HDAC7: variants seen among roughly 807,000 people sequenced by gnomAD.
HDAC7 encodes the protein histone deacetylase 7A.
A neutral mutation model predicts 115.5 loss-of-function variants in HDAC7; 26 were observed. The observed-to-expected ratio is 0.23, with a 90% CI of 0.16 to 0.31. The LOEUF is 0.31. Ranked by LOEUF, HDAC7 falls within the 10% of genes least tolerant of loss-of-function variation. The pLI, the probability that HDAC7 is intolerant of heterozygous loss-of-function variation, is 1.00. For missense variants in HDAC7, 1,068 were observed against 1,329.0 expected (o/e 0.80, Z 3.05); for synonymous variants, 564 against 550.9 (o/e 1.02, Z -0.33).
At position 47,795,865 on chromosome 12, in the gene HDAC7, TG is replaced by T. The variant is rs751790777; in HGVS notation, c.906+40del. The T allele has an allele frequency of 2.7e-4, 218 of 802,146 alleles. No individual in the cohort carries two copies. The African/African-American group carries it at 4.9e-3, about 18-fold the overall frequency. 49.7% of individuals were successfully genotyped at this position (802,146 alleles called of 1,614,324 possible). The stretch of plus-strand genomic sequence containing the variant: ...AGCAAGAAAAGGGAGTGAAAGAAGC[TG>T]GGGGGGCTTGGAGTGGGGGTGGGCA... On this transcript the variant is annotated intron_variant, in intron 9 of 25. Transcript: ENST00000080059. The surrounding 1 kb of genome is among the most constrained non-coding windows in gnomAD (Gnocchi z 4.3).
At chr12:47,819,726 C>T (rs1247000567) in intron 1 of HDAC7, 41 bp downstream of exon 1, 3 of 684,928 alleles carry the variant, frequency 4.4e-6, no homozygotes, top group South Asian at 6.2e-5. Context: ...CGCTGGGTGC[C>T]GCGCGCAGGG....
rs538960873 is a variant in HDAC7, at chr12:47,795,856, G to C, written c.906+50C>G. ...GGGTGAGGCAGCAAGAAAAGGGAGT[G>C]AAAGAAGCTGGGGGGGCTTGGAGTG... On this transcript the variant is annotated intron_variant, in intron 9 of 25. Transcript: ENST00000080059. This position sits in a 1 kb window ranked among gnomAD's most constrained non-coding sequence, Gnocchi z 4.3. 4.8e-5 allele frequency: 43 copies of C among 894,724 alleles called. No individual in the cohort carries two copies. Among genetic ancestry groups the C allele is most frequent in the Non-Finnish European group, 6.3e-5 (39 of 617,328 alleles). 55.4% of individuals were successfully genotyped at this position (894,724 alleles called of 1,614,324 possible). A position where few individuals can be genotyped will look rare whatever the true frequency, so the allele number is the denominator to read the frequency against.
At chr12:47,788,193 G>A (rs965670698) in intron 19 of HDAC7, 29 bp from the exon 20 acceptor site, 9 of 1,581,050 alleles carry the variant, frequency 5.7e-6, no homozygotes, top group Non-Finnish European at 7.7e-6. Context: ...AGCGATTAGG[G>A]AAGGCAGAGA....
chr12:47,797,317 C>CAA lies in HDAC7; in HGVS notation c.577+66_577+67insTT. On this transcript the variant is annotated intron_variant, in intron 6 of 25. Coordinates refer to ENST00000080059, the MANE Select transcript of HDAC7 (RefSeq NM_015401.5). The surrounding 1 kb of genome is among the most constrained non-coding windows in gnomAD (Gnocchi z 5.5). ...CCCAGCCCGCCCACCCCTGCACACTCCTCCCCCATGTCCGAGGCCCTTCCC... is the reference window on the plus strand; with the variant it reads ...CCCAGCCCGCCCACCCCTGCACACTCAACTCCCCCATGTCCGAGGCCCTTCCC... 8.1e-7 allele frequency: 1 copy of CAA among 1,234,308 alleles called. No individual in the cohort carries two copies. Among genetic ancestry groups the CAA allele is most frequent in the Non-Finnish European group, 1.2e-6 (1 of 846,292 alleles). The allele number at this position is 1,234,308 out of a possible 1,614,324, so 76.5% of individuals were successfully genotyped here.
chr12:47,816,305 T>G (rs1944848610), intron 1 of HDAC7, among the ~76,000 whole-genome samples: 1 of 152,112 alleles, frequency 6.6e-6, no homozygotes, highest in Admixed American at 6.5e-5. Flanking sequence ...TCTGGACTTC[T>G]ATTAAAAAGC....
intron 21 of HDAC7, 49 bp from the exon 22 acceptor site, chr12:47,786,752 G>A (rs1024761261): frequency 6.7e-7 from 1 of 1,494,792 alleles, no homozygotes; most frequent in Middle Eastern, 1.7e-4. Context: ...AGGGTTGCCA[G>A]GGGCGGTCCT....
intron 7 of HDAC7, 116 bp from the exon 8 acceptor site, chr12:47,796,414 G>A: frequency 1.6e-6 from 1 of 615,342 alleles, no homozygotes; most frequent in Non-Finnish European, 2.8e-6. Flanking sequence ...GAGCACCTTT[G>A]CTTCCTGCTT....
chr12:47,786,344 A>G (rs1402914584), intron 22 of HDAC7, among the ~76,000 whole-genome samples: 4 of 152,188 alleles, frequency 2.6e-5, no homozygotes, highest in Non-Finnish European at 5.9e-5. Context: ...TTAAGTCCCC[A>G]TGGGTATGAC....
intron 1 of HDAC7, among the ~76,000 whole-genome samples, chr12:47,807,619 G>A (rs1471275170): frequency 6.6e-6 from 1 of 151,980 alleles, no homozygotes; most frequent in Non-Finnish European, 1.5e-5. Flanking sequence ...GCAGGACCTA[G>A]ATGGGCATGC....
intron 19 of HDAC7, 82 bp from the exon 20 acceptor site, chr12:47,788,246 C>A: frequency 6.7e-7 from 1 of 1,492,566 alleles, no homozygotes. Flanking sequence ...AGGTCAGTGG[C>A]CATTCTGAGG....
upstream of HDAC7, among the ~76,000 whole-genome samples, chr12:47,820,898 C>G (rs1055316162): frequency 6.6e-6 from 1 of 152,192 alleles, no homozygotes; most frequent in African/African-American, 2.4e-5. This position sits in a 1 kb window ranked among gnomAD's most constrained non-coding sequence, Gnocchi z 4.3. Context: ...CAGTGGCCCT[C>G]CCTGCCTCTC....
Position 47,788,126 on chromosome 12 carries a change from G to A in HDAC7, c.2274C>T (p.Tyr758=). 6.2e-7 allele frequency: 1 copy of A among 1,613,296 alleles called. No individual in the cohort carries two copies. Among genetic ancestry groups the A allele is most frequent in the Non-Finnish European group, 8.5e-7 (1 of 1,179,580 alleles). ...AGATGTAGAGCACACTGGGGTCTTG[G>A]TAGAAGGTTTGCTGGGTGCCGTTGC... ...HHGNGTQQTF[Y]QDPSVLYISL... is the part of the protein sequence containing the mutation. The change falls in exon 20 of 26, where the codon TAC becomes TAT. Residue 758 remains tyrosine (Y), a synonymous_variant. Transcript: ENST00000080059.
rs569312344 is a variant in HDAC7 at position 47,814,935 on chromosome 12, C to T, written c.19+4832G>A. Among the ~76,000 whole-genome samples the T allele has an allele frequency of 1.9e-4, 29 of 152,354 alleles. No homozygotes were observed. In the South Asian group the frequency reaches 6.0e-3, roughly 32 times the overall value. ...TCTTAGGGCTTATCACAGTGTGTAA[C>T]TAGTCACACATACTCATTCCTTTAC... On this transcript the variant is annotated intron_variant, in intron 1 of 25. Transcript: ENST00000080059.
chr12:47,795,001 C>A lies in HDAC7; in HGVS notation c.1285-68G>T. The A allele has an allele frequency of 6.7e-7, 1 of 1,490,514 alleles. No homozygotes were observed. Among genetic ancestry groups the A allele is most frequent in the South Asian group, 1.3e-5 (1 of 78,148 alleles). 92.3% of individuals were successfully genotyped at this position (1,490,514 alleles called of 1,614,324 possible). On this transcript the variant is annotated intron_variant, in intron 11 of 25. Coordinates refer to ENST00000080059, the MANE Select transcript of HDAC7 (RefSeq NM_015401.5). This position sits in a 1 kb window ranked among gnomAD's most constrained non-coding sequence, Gnocchi z 4.3. Reference sequence around the variant, plus strand: ...GGGGCATGGGGTGGGAGGTGGTGGGCTGGGCCAGGCAGCCAGTCATCTTGC... The same window carrying A: ...GGGGCATGGGGTGGGAGGTGGTGGGATGGGCCAGGCAGCCAGTCATCTTGC...
Position 47,798,950 on chromosome 12 carries a change from G to C in HDAC7, c.93C>G (p.Asp31Glu), listed in dbSNP as rs1467672280. 49 of 1,518,496 alleles carry C rather than the reference G, an allele frequency of 3.2e-5. No homozygotes were observed. Among genetic ancestry groups the C allele is most frequent in the Non-Finnish European group, 4.3e-5 (49 of 1,137,614 alleles). 94.1% of individuals were successfully genotyped at this position (1,518,496 alleles called of 1,614,324 possible). The change falls in exon 3 of 26, where the codon GAC becomes GAG. Residue 31 changes from aspartate to glutamate, a missense_variant. Asp to Glu is a conservative substitution (Grantham distance 45). Transcript: ENST00000080059. This position sits in a 1 kb window ranked among gnomAD's most constrained non-coding sequence, Gnocchi z 4.3. ...TGAGCPRPCADTPGPQPQPMD... is the reference protein window; with the variant it reads ...TGAGCPRPCAETPGPQPQPMD... Reference sequence around the variant, plus strand: ...TGGGCTGCGGCTGAGGGCCTGGTGTGTCTGCACAGGGCCTGGGGCAGCCTA... The same window carrying C: ...TGGGCTGCGGCTGAGGGCCTGGTGTCTCTGCACAGGGCCTGGGGCAGCCTA...
chr12:47,795,091 G>C lies in HDAC7; in HGVS notation c.1284+93C>G, dbSNP rs1489638003. On this transcript the variant is annotated intron_variant, in intron 11 of 25. Coordinates refer to ENST00000080059, the MANE Select transcript of HDAC7 (RefSeq NM_015401.5). The surrounding 1 kb of genome is among the most constrained non-coding windows in gnomAD (Gnocchi z 4.3). ...CCACATCCCCCTCTTTTGCCCTCCA[G>C]TTCCCTGCCCTTTCTAAGTACCCCT... The C allele has an allele frequency of 2.2e-6, 3 of 1,343,310 alleles. No homozygotes were observed. Among genetic ancestry groups the C allele is most frequent in the Non-Finnish European group, 3.1e-6 (3 of 961,172 alleles). 83.2% of individuals were successfully genotyped at this position (1,343,310 alleles called of 1,614,324 possible). A position where few individuals can be genotyped will look rare whatever the true frequency, so the allele number is the denominator to read the frequency against.
rs367833216 is a variant in HDAC7 at position 47,795,125 on chromosome 12, G to A, written c.1284+59C>T. 53 of 1,431,078 alleles carry A rather than the reference G, an allele frequency of 3.7e-5. No homozygotes were observed. The South Asian group carries it at 6.4e-4, about 17-fold the overall frequency. The allele number at this position is 1,431,078 out of a possible 1,614,324, so 88.6% of individuals were successfully genotyped here. On this transcript the variant is annotated intron_variant, in intron 11 of 25. Coordinates refer to ENST00000080059, the MANE Select transcript of HDAC7 (RefSeq NM_015401.5). The surrounding 1 kb of genome is among the most constrained non-coding windows in gnomAD (Gnocchi z 4.3). ...CCTTTCTAAGTACCCCTCTTCTTTT[G>A]GCCCCTAAGTCCCCAGTTAAACACT...
At chr12:47,818,120 A>G (rs139773106) in intron 1 of HDAC7, among the ~76,000 whole-genome samples, 1 of 152,192 alleles carries the variant, frequency 6.6e-6, no homozygotes, top group South Asian at 2.1e-4. Flanking sequence ...TGGAGTGAAC[A>G]GCTTAGACAT....
chr12:47,785,465 G>A lies in HDAC7; in HGVS notation c.2713C>T (p.Pro905Ser), dbSNP rs1943124292. Reference protein sequence around the residue: ...VAALLGNRVDPLSEEGWKQKP... With the variant: ...VAALLGNRVDSLSEEGWKQKP... ...TGTTTCCAGCCTTCTTCTGAAAGGGGATCCACCTATAGAAAACAGTACATC... is the reference window on the plus strand; with the variant it reads ...TGTTTCCAGCCTTCTTCTGAAAGGGAATCCACCTATAGAAAACAGTACATC... The change falls in exon 24 of 26, where the codon CCC (proline) becomes TCC (serine). Residue 905 changes from proline to serine, a missense_variant. By Grantham distance (74) the Pro-to-Ser change is moderately conservative. Around this residue, in one of 6 missense-constraint regions of HDAC7, gnomAD observed 98 missense variants for 123.9 expected, o/e 0.79. Coordinates refer to ENST00000080059, the MANE Select transcript of HDAC7 (RefSeq NM_015401.5). 4 of 1,612,192 alleles carry A rather than the reference G, an allele frequency of 2.5e-6. No homozygotes were observed. Among genetic ancestry groups the A allele is most frequent in the Non-Finnish European group, 2.5e-6 (3 of 1,179,108 alleles).
Sources: allele counts gnomAD v4.1 joint callset (sites outside exome capture counted in the v4.1 genomes callset), GRCh38; gene constraint gnomAD v4.1.1; regional missense constraint gnomAD v4.1.1; non-coding constraint Gnocchi (gnomAD v3.1); transcripts MANE v1.5; gene names NCBI Gene and HGNC (gene_info 2026-07-23, HGNC 2026-07-21).